PRRC2C: variants seen among roughly 807,000 people sequenced by gnomAD.
PRRC2C encodes proline rich coiled-coil 2C, also known as protein PRRC2C.
PRRC2C carries 72 observed loss-of-function variants against 317.2 expected under a neutral mutation model. The observed-to-expected ratio is 0.23, with a 90% CI of 0.19 to 0.28. PRRC2C has a LOEUF of 0.28. PRRC2C is among the 10% of genes least tolerant of loss of function. The pLI is 1.00. For synonymous variants in PRRC2C, 1,296 were observed against 1,205.9 expected, an observed-to-expected ratio of 1.07 and a Z score of -1.55; for missense variants, 3,074 against 3,459.7, an observed-to-expected ratio of 0.89 and a Z score of 2.80.
rs1301742358 is a variant in PRRC2C, at chr1:171,540,130, T to C, written c.2664T>C (p.His888=). 6.2e-7 allele frequency: 1 copy of C among 1,613,962 alleles called. No individual in the cohort carries two copies. Among genetic ancestry groups the C allele is most frequent in the Non-Finnish European group, 8.5e-7 (1 of 1,179,874 alleles). ...CTGTGGAAGATGTTAGACCTCACCA[T>C]ACTGATGCAAATAATCAGTCTGCTT... ...SRSVEDVRPH[H]TDANNQSACF... The change falls in exon 16 of 35, where the codon CAT becomes CAC. Residue 888 remains histidine, a synonymous_variant. Transcript: ENST00000647382.
intron 15 of PRRC2C, among the ~76,000 whole-genome samples, chr1:171,537,680 G>T (rs1677084815): frequency 6.6e-6 from 1 of 152,104 alleles, no homozygotes; most frequent in Admixed American, 6.5e-5. Flanking sequence ...TCAATTGTAT[G>T]CTGTAATTTA....
intron 25 of PRRC2C, 81 bp from the exon 26 acceptor site, chr1:171,577,353 A>G (rs1194829810): frequency 8.3e-6 from 10 of 1,206,438 alleles, no homozygotes; most frequent in African/African-American, 3.0e-5. Flanking sequence ...TTAATTTTGC[A>G]GTTTCTGGTT....
chr1:171,560,927 A>AC (rs1387113496), intron 19 of PRRC2C, 91 bp from the exon 20 acceptor site: 1 of 991,380 alleles, frequency 1.0e-6, no homozygotes, highest in Admixed American at 1.7e-5. Context: ...AGTAATAGCT[A>AC]CACAGTAGGA....
intron 19 of PRRC2C, among the ~76,000 whole-genome samples, chr1:171,558,683 C>T (rs235484): frequency 0.81 from 122,571 of 152,114 alleles, 49,510 homozygotes; most frequent in Middle Eastern, 0.9. Context: ...ACTCCATTGA[C>T]CAGCTGTTCC....
At chr1:171,538,236 A>G (rs949938168) in intron 15 of PRRC2C, among the ~76,000 whole-genome samples, 3 of 152,116 alleles carry the variant, frequency 2.0e-5, no homozygotes, top group Non-Finnish European at 4.4e-5. Flanking sequence ...TTACCTCCCA[A>G]AGTGCTGGGA....
Position 171,561,094 on chromosome 1 carries a change from T to C in PRRC2C, c.6108T>C (p.Pro2036=). The change falls in exon 20 of 35, where the codon CCT becomes CCC. Residue 2036 remains proline (P), a synonymous_variant. Coordinates refer to ENST00000647382, the MANE Select transcript of PRRC2C (RefSeq NM_001387844.1). ...CCTTAACATCGTTTGGATCAGCTCC[T>C]TCATCAGAGGTAAGAATAGGCTTTT... ...NKPLTSFGSA[P]SSEGAKNGQE... 1 of 1,594,510 alleles carries C rather than the reference T, an allele frequency of 6.3e-7. No individual in the cohort carries two copies. The highest frequency in any genetic ancestry group is 1.3e-5 in the African/African-American group (1 of 74,590).
chr1:171,535,434 A>G lies in PRRC2C; in HGVS notation c.1880A>G (p.Glu627Gly). The G allele has an allele frequency of 6.2e-7, 1 of 1,612,584 alleles. No individual in the cohort carries two copies. Among genetic ancestry groups the G allele is most frequent in the Non-Finnish European group, 8.5e-7 (1 of 1,179,464 alleles). Reference protein sequence around the residue: ...ESENSCNKEEEPVFTRQDSNR... With the variant: ...ESENSCNKEEGPVFTRQDSNR... ...TCACCTTTTCTTTGAGCAGAGGAGG[A>G]ACCCGTTTTCACTAGACAAGACAGC... The change falls in exon 13 of 35, where the codon GAA (glutamate) becomes GGA (glycine). Residue 627 changes from glutamate to glycine, a missense_variant. By Grantham distance (98) the Glu-to-Gly change is moderately conservative. This residue lies in a region of PRRC2C where 1,320 missense variants were observed against 1,395.7 expected (regional missense o/e 0.95). Coordinates refer to ENST00000647382, the MANE Select transcript of PRRC2C (RefSeq NM_001387844.1).
chr1:171,591,451 T>C (rs1251781638), intron 34 of PRRC2C, 136 bp from the exon 35 acceptor site: 1 of 844,602 alleles, frequency 1.2e-6, no homozygotes, highest in Non-Finnish European at 1.7e-6. Flanking sequence ...CAAAGATCAA[T>C]GAGGTACTTT....
intron 19 of PRRC2C, among the ~76,000 whole-genome samples, chr1:171,560,582 TCTC>T (rs1349979275): frequency 3.9e-5 from 6 of 152,196 alleles, no homozygotes; most frequent in African/African-American, 1.4e-4. Context: ...GCCATCAACA[TCTC>T]CACTGGCAAG....
At chr1:171,567,232 A>G (rs979124743) in intron 22 of PRRC2C, among the ~76,000 whole-genome samples, 1 of 152,166 alleles carries the variant, frequency 6.6e-6, no homozygotes, top group African/African-American at 2.4e-5. Flanking sequence ...ACTCCAGTAT[A>G]GCCAGTTTTT....
chr1:171,564,644 T>C (rs1390736996), intron 20 of PRRC2C, among the ~76,000 whole-genome samples: 1 of 152,220 alleles, frequency 6.6e-6, no homozygotes, highest in African/African-American at 2.4e-5. Context: ...TACACAAACC[T>C]AGATGGTATA....
chr1:171,586,017 G>A (rs1649826097), intron 30 of PRRC2C, among the ~76,000 whole-genome samples: 1 of 148,048 alleles, frequency 6.8e-6, no homozygotes, highest in South Asian at 2.2e-4. Context: ...TGAAACAGAA[G>A]TTCTGACCTC....
At chr1:171,504,059 GC>G (rs1274023907) in intron 1 of PRRC2C, among the ~76,000 whole-genome samples, 1 of 152,126 alleles carries the variant, frequency 6.6e-6, no homozygotes, top group East Asian at 1.9e-4. Context: ...TGGGGACAGA[GC>G]CAAACCATAT....
rs1290303432 is a variant in PRRC2C, at chr1:171,527,384, C to T, written c.1201-407C>T. On this transcript the variant is annotated intron_variant, in intron 10 of 34. Transcript: ENST00000647382. ...CTGACCTCAGGTGATCCGCCTGCCT[C>T]GGCCTCCCAAAGTGCTGGGATTACA... Among the ~76,000 whole-genome samples, 4 of 151,882 alleles carry T rather than the reference C, an allele frequency of 2.6e-5. No individual in the cohort carries two copies. The East Asian group carries it at 5.9e-4, about 22-fold the overall frequency.
chr1:171,591,971 T>G lies in PRRC2C; in HGVS notation c.*124T>G. On this transcript the variant is annotated 3_prime_UTR_variant, in exon 35 of 35. Transcript: ENST00000647382. ...CATTATCCTGTTCAGAGCTTGGAGA[T>G]GTACAAGGGACATAGGAGCAATTTA... 7.9e-7 allele frequency: 1 copy of G among 1,270,184 alleles called. No individual in the cohort carries two copies. The highest frequency in any genetic ancestry group is 1.1e-6 in the Non-Finnish European group (1 of 913,946). The allele number at this position is 1,270,184 out of a possible 1,614,324, so 78.7% of individuals were successfully genotyped here.
At chr1:171,566,207 C>A in intron 20 of PRRC2C, 26 bp from the exon 21 acceptor site, 1 of 1,576,612 alleles carries the variant, frequency 6.3e-7, no homozygotes, top group South Asian at 1.2e-5. Context: ...ACTTTGCAAG[C>A]AAGTTTTAAA....
At chr1:171,536,781 A>G (rs1258405572) in intron 14 of PRRC2C, among the ~76,000 whole-genome samples, 1 of 152,236 alleles carries the variant, frequency 6.6e-6, no homozygotes, top group Non-Finnish European at 1.5e-5. Flanking sequence ...TGATAAGCTG[A>G]TCACAAATCA....
Position 171,550,150 on chromosome 1 carries a change from T to C in PRRC2C, c.5037T>C (p.Asn1679=). ...TTGAAGATCCCCAGTCAAATTTGAA[T>C]GATGATGGTTTTACTGAAGTGGTAT... is the stretch of plus-strand genomic sequence containing the variant. ...TVIEDPQSNL[N]DDGFTEVVSK... Residue 1679 remains asparagine (N), a synonymous_variant, in exon 18 of 35, where the codon AAT becomes AAC. Coordinates refer to ENST00000647382, the MANE Select transcript of PRRC2C (RefSeq NM_001387844.1). 1.2e-6 allele frequency: 2 copies of C among 1,608,386 alleles called. No homozygotes were observed. The highest frequency in any genetic ancestry group is 1.7e-6 in the Non-Finnish European group (2 of 1,176,964).
At chr1:171,556,766 T>C (rs563519350) in intron 18 of PRRC2C, among the ~76,000 whole-genome samples, 1 of 152,346 alleles carries the variant, frequency 6.6e-6, no homozygotes, top group South Asian at 2.1e-4. Flanking sequence ...ATACACAGAA[T>C]GAATCAAGGT....
Sources: allele counts gnomAD v4.1 joint callset (sites outside exome capture counted in the v4.1 genomes callset), GRCh38; gene constraint gnomAD v4.1.1; regional missense constraint gnomAD v4.1.1; transcripts MANE v1.5; gene names NCBI Gene and HGNC (gene_info 2026-07-23, HGNC 2026-07-21).